HEMK2: variants seen among roughly 807,000 people sequenced by gnomAD.
The protein encoded by HEMK2 is HemK methyltransferase 2, ETF1 glutamine and histone H4 lysine, also known as methyltransferase HEMK2.
At chr21:28,652,594 A>G in the HEMK2 span, among the ~76,000 whole-genome samples, 1 of 152,192 alleles carries the variant, frequency 6.6e-6, no homozygotes, top group Non-Finnish European at 1.5e-5. Flanking sequence ...AAGCAGAAAT[A>G]TAGAAATAAA....
At chr21:28,763,708 C>A in the HEMK2 span, among the ~76,000 whole-genome samples, 4 of 152,110 alleles carry the variant, frequency 2.6e-5, no homozygotes, top group African/African-American at 4.8e-5. Context: ...AAAGGGGAAG[C>A]TATGTCATCA....
chr21:28,704,525 CA>C, the HEMK2 span, among the ~76,000 whole-genome samples: 1 of 144,106 alleles, frequency 6.9e-6, no homozygotes, highest in Non-Finnish European at 1.5e-5. Context: ...TTCTTCATAC[CA>C]TGATATTCAG....
the HEMK2 span, among the ~76,000 whole-genome samples, chr21:28,706,245 T>C: frequency 6.6e-6 from 1 of 152,220 alleles, no homozygotes; most frequent in Admixed American, 6.5e-5. Context: ...ATTTTGTTAG[T>C]GTATATCTTT....
At chr21:28,594,783 A>G in the HEMK2 span, among the ~76,000 whole-genome samples, 1 of 152,158 alleles carries the variant, frequency 6.6e-6, no homozygotes, top group Non-Finnish European at 1.5e-5. Flanking sequence ...TAAACTCTCA[A>G]TTTGTGCTAG....
At chr21:28,758,951 C>T in the HEMK2 span, among the ~76,000 whole-genome samples, 3 of 152,172 alleles carry the variant, frequency 2.0e-5, no homozygotes, top group Non-Finnish European at 4.4e-5. Flanking sequence ...CACTCTCACT[C>T]CTGGTAGTCA....
chr21:28,624,396 C>T, the HEMK2 span, among the ~76,000 whole-genome samples: 1 of 152,324 alleles, frequency 6.6e-6, no homozygotes, highest in Non-Finnish European at 1.5e-5. Flanking sequence ...CTCCGTAATA[C>T]ATACGAAGTG....
the HEMK2 span, among the ~76,000 whole-genome samples, chr21:28,853,711 G>A: frequency 6.6e-6 from 1 of 152,218 alleles, no homozygotes; most frequent in Non-Finnish European, 1.5e-5. Context: ...CTCAGACAAA[G>A]GTGGAAAGGC....
chr21:28,705,184 A>G, the HEMK2 span, among the ~76,000 whole-genome samples: 3 of 152,150 alleles, frequency 2.0e-5, no homozygotes, highest in African/African-American at 4.8e-5. Flanking sequence ...CTACTAGATC[A>G]AGGCTCAAAA....
the HEMK2 span, among the ~76,000 whole-genome samples, chr21:28,689,981 G>A: frequency 4.6e-5 from 7 of 152,168 alleles, no homozygotes; most frequent in South Asian, 4.1e-4. Flanking sequence ...AAGGAAAGAG[G>A]TTTAGTGGAT....
the HEMK2 span, among the ~76,000 whole-genome samples, chr21:28,784,493 T>C: frequency 3.3e-5 from 5 of 151,922 alleles, no homozygotes; most frequent in Non-Finnish European, 7.4e-5. Flanking sequence ...CAGCACTCTG[T>C]GTCTAGCTCA....
the HEMK2 span, among the ~76,000 whole-genome samples, chr21:28,633,645 C>T: frequency 6.6e-6 from 1 of 152,144 alleles, no homozygotes; most frequent in Non-Finnish European, 1.5e-5. Context: ...GAACTGTGAA[C>T]CCTTTTCTCA....
chr21:28,649,759 G>T, the HEMK2 span, among the ~76,000 whole-genome samples: 1 of 152,210 alleles, frequency 6.6e-6, no homozygotes, highest in South Asian at 2.1e-4. Context: ...GAGGCCAAGG[G>T]AACAACAAAT....
chr21:28,796,695 G>T, the HEMK2 span, among the ~76,000 whole-genome samples: 1 of 152,156 alleles, frequency 6.6e-6, no homozygotes, highest in East Asian at 1.9e-4. Flanking sequence ...CTCCCAAGTA[G>T]CTGGGACCAC....
chr21:28,674,467 A>G, the HEMK2 span, among the ~76,000 whole-genome samples: 2 of 152,132 alleles, frequency 1.3e-5, no homozygotes, highest in East Asian at 3.8e-4. Flanking sequence ...GCCCCAGTCA[A>G]AGACTCTCAA....
the HEMK2 span, among the ~76,000 whole-genome samples, chr21:28,690,914 T>G: frequency 6.6e-6 from 1 of 152,192 alleles, no homozygotes; most frequent in Non-Finnish European, 1.5e-5. Flanking sequence ...CAGGATTTTG[T>G]TGATTGATAT....
At chr21:28,853,966 G>A in the HEMK2 span, among the ~76,000 whole-genome samples, 3 of 152,070 alleles carry the variant, frequency 2.0e-5, no homozygotes, top group South Asian at 2.1e-4. Context: ...CCATATACAC[G>A]ATAAGAGCTT....
the HEMK2 span, among the ~76,000 whole-genome samples, chr21:28,829,489 T>A: frequency 6.6e-6 from 1 of 152,188 alleles, no homozygotes; most frequent in East Asian, 1.9e-4. Flanking sequence ...TCCTATGCCT[T>A]TCACCATGAG....
the HEMK2 span, among the ~76,000 whole-genome samples, chr21:28,856,016 C>T: frequency 6.6e-6 from 1 of 152,174 alleles, no homozygotes; most frequent in Admixed American, 6.5e-5. Context: ...TTTTTAAATA[C>T]ATTGCAGATA....
At chr21:28,744,675 G>A in the HEMK2 span, among the ~76,000 whole-genome samples, 1 of 152,124 alleles carries the variant, frequency 6.6e-6, no homozygotes, top group African/African-American at 2.4e-5. Context: ...GGCTTGAGCT[G>A]GGTATTTTAC....
Sources: allele counts gnomAD v4.1 joint callset (sites outside exome capture counted in the v4.1 genomes callset), GRCh38; gene constraint gnomAD v4.1.1; transcripts MANE v1.5; gene names NCBI Gene and HGNC (gene_info 2026-07-23, HGNC 2026-07-21).